PTPN3: variants seen among roughly 807,000 people sequenced by gnomAD.
The protein encoded by PTPN3 is protein tyrosine phosphatase non-receptor type 3, also known as tyrosine-protein phosphatase non-receptor type 3.
A neutral mutation model predicts 132.7 loss-of-function variants in PTPN3; 96 were observed. The ratio of observed to expected loss-of-function variants is 0.72; its 90% CI spans 0.61 to 0.86. The LOEUF (loss-of-function observed/expected upper bound fraction) is 0.86, where lower values mean the gene tolerates loss of function less well. Among genes scored for constraint, PTPN3 ranks in the 40% least tolerant of loss-of-function variants. PTPN3 has a pLI of 0.00. For synonymous variants in PTPN3, 398 were observed against 429.0 expected (o/e 0.93, Z 0.89); for missense variants, 1,125 against 1,159.6 (o/e 0.97, Z 0.43).
the PTPN3 span, among the ~76,000 whole-genome samples, chr9:109,514,448 G>A: frequency 6.6e-6 from 1 of 152,146 alleles, no homozygotes; most frequent in Non-Finnish European, 1.5e-5. Context: ...AAGAAGTGGC[G>A]AGGGGGTTTT....
At chr9:109,474,637 C>T (rs1046957790) in intron 1 of PTPN3, among the ~76,000 whole-genome samples, 4 of 152,134 alleles carry the variant, frequency 2.6e-5, no homozygotes, top group Admixed American at 6.5e-5. Flanking sequence ...GGAAAATGCA[C>T]GCATGGTATG....
At chr9:109,400,940 G>T (rs1425521718) in intron 19 of PTPN3, among the ~76,000 whole-genome samples, 1 of 152,150 alleles carries the variant, frequency 6.6e-6, no homozygotes, top group African/African-American at 2.4e-5. Context: ...GGTCTGTTTA[G>T]CCTAGGGCTC....
chr9:109,494,161 G>C (rs1847580343), intron 1 of PTPN3, among the ~76,000 whole-genome samples: 1 of 152,232 alleles, frequency 6.6e-6, no homozygotes, highest in African/African-American at 2.4e-5. Flanking sequence ...GGTGGGTTCT[G>C]CATTAGTGAA....
intron 13 of PTPN3, 117 bp downstream of exon 13, chr9:109,422,601 T>A (rs1842954923): frequency 2.4e-6 from 3 of 1,260,340 alleles, no homozygotes; most frequent in South Asian, 1.6e-5. Context: ...GCCAAGAGCC[T>A]AAAATGCAAA....
intron 1 of PTPN3, among the ~76,000 whole-genome samples, chr9:109,488,305 G>A (rs1847306812): frequency 6.6e-6 from 1 of 151,706 alleles, no homozygotes; most frequent in Non-Finnish European, 1.5e-5. Context: ...TTGCCACGTT[G>A]GCCAGTCTGG....
chr9:109,459,850 C>A (rs1588463877), intron 2 of PTPN3, among the ~76,000 whole-genome samples: 1 of 152,234 alleles, frequency 6.6e-6, no homozygotes, highest in Admixed American at 6.5e-5. Flanking sequence ...CTGGCTGGTC[C>A]TTCTCAGACT....
In PTPN3 at chr9:109,416,193, C is replaced by T. The variant is rs912559444; in HGVS notation, c.1313+4231G>A. Reference sequence around the variant, plus strand: ...AGGTGGAACTGGGAACAGACACCATCTGTGTTGTCCTGAGAGTTCAAGGCA... The same window carrying T: ...AGGTGGAACTGGGAACAGACACCATTTGTGTTGTCCTGAGAGTTCAAGGCA... On this transcript the variant is annotated intron_variant, in intron 14 of 25. Coordinates refer to ENST00000374541, the MANE Select transcript of PTPN3 (RefSeq NM_002829.4). Among the ~76,000 whole-genome samples the T allele has an allele frequency of 2.6e-5, 4 of 152,312 alleles. No homozygotes were observed. The South Asian group carries it at 6.2e-4, about 24-fold the overall frequency.
At chr9:109,521,220 G>A in the PTPN3 span, among the ~76,000 whole-genome samples, 10 of 151,980 alleles carry the variant, frequency 6.6e-5, no homozygotes, top group Non-Finnish European at 4.4e-5. Flanking sequence ...GTGCAGTGGT[G>A]GAATCATGGC....
chr9:109,432,579 G>A (rs771011326), intron 10 of PTPN3, among the ~76,000 whole-genome samples: 10 of 152,112 alleles, frequency 6.6e-5, no homozygotes, highest in Non-Finnish European at 8.8e-5. Flanking sequence ...CGAGTAATGC[G>A]GGACAGGCTG....
the PTPN3 span, among the ~76,000 whole-genome samples, chr9:109,523,357 G>T: frequency 6.6e-6 from 1 of 152,044 alleles, no homozygotes; most frequent in Non-Finnish European, 1.5e-5. Context: ...CTTGTGGTCC[G>T]CCTGCCTTGG....
At chr9:109,527,740 A>C in the PTPN3 span, among the ~76,000 whole-genome samples, 1 of 152,244 alleles carries the variant, frequency 6.6e-6, no homozygotes. Context: ...TAAAACATGT[A>C]CAACTATTGC....
chr9:109,446,936 C>T (rs778694785), intron 6 of PTPN3, among the ~76,000 whole-genome samples: 18 of 138,354 alleles, frequency 1.3e-4, no homozygotes, highest in Non-Finnish European at 2.4e-4. Context: ...CTACCATGGA[C>T]GGCTCAAACA....
chr9:109,409,981 T>C lies in PTPN3; in HGVS notation c.1578+18A>G. 6.2e-7 allele frequency: 1 copy of C among 1,612,554 alleles called. No individual in the cohort carries two copies. The highest frequency in any genetic ancestry group is 1.1e-5 in the South Asian group (1 of 90,806). On this transcript the variant is annotated intron_variant, in intron 16 of 25. Transcript: ENST00000374541. The stretch of plus-strand genomic sequence containing the variant: ...TTGCTTCCCAGCACAAAACTTCCTT[T>C]ATAAATACACAACATACCTTAAGAT...
At chr9:109,416,109 T>C (rs1359285304) in intron 14 of PTPN3, among the ~76,000 whole-genome samples, 1 of 152,062 alleles carries the variant, frequency 6.6e-6, no homozygotes, top group African/African-American at 2.4e-5. Flanking sequence ...ACGAGGGTGA[T>C]GGGTGGAAAG....
chr9:109,499,498 G>A (rs1847823887), upstream of PTPN3, among the ~76,000 whole-genome samples: 1 of 152,178 alleles, frequency 6.6e-6, no homozygotes, highest in Admixed American at 6.5e-5. Context: ...TTCTCATGTT[G>A]TATTTCCCTC....
chr9:109,485,381 G>A (rs1298671810), intron 1 of PTPN3, among the ~76,000 whole-genome samples: 8 of 151,958 alleles, frequency 5.3e-5, no homozygotes, highest in African/African-American at 1.9e-4. Flanking sequence ...GGTGGTGGGC[G>A]CCTGCAGTCC....
chr9:109,399,505 C>T (rs573530664), intron 19 of PTPN3, among the ~76,000 whole-genome samples: 2 of 152,270 alleles, frequency 1.3e-5, no homozygotes, highest in East Asian at 3.9e-4. Context: ...AACATATGTG[C>T]ACCACACTTG....
chr9:109,462,039 C>T (rs754766908), intron 2 of PTPN3, among the ~76,000 whole-genome samples: 7 of 152,158 alleles, frequency 4.6e-5, no homozygotes, highest in Non-Finnish European at 8.8e-5. Flanking sequence ...ACAATGTTTC[C>T]CACCTACAAA....
chr9:109,526,951 T>C, the PTPN3 span, among the ~76,000 whole-genome samples: 2,519 of 152,162 alleles, frequency 0.017, 65 homozygotes, highest in African/African-American at 0.058. Flanking sequence ...GCTGGGTCAA[T>C]TGGATATCCA....
Sources: allele counts gnomAD v4.1 joint callset (sites outside exome capture counted in the v4.1 genomes callset), GRCh38; gene constraint gnomAD v4.1.1; transcripts MANE v1.5; gene names NCBI Gene and HGNC (gene_info 2026-07-23, HGNC 2026-07-21).